Variants in NAP1L1 observed in about 807,000 individuals in gnomAD.
The protein encoded by NAP1L1 is nucleosome assembly protein 1 like 1, also known as nucleosome assembly protein 1-like 1.
Under a neutral mutation model 58.9 loss-of-function variants are expected in NAP1L1, and 9 were observed. The ratio of observed to expected loss-of-function variants is 0.15; its 90% CI spans 0.09 to 0.27. The LOEUF (loss-of-function observed/expected upper bound fraction) is 0.27. Ranked by LOEUF, NAP1L1 falls within the 10% of genes least tolerant of loss-of-function variation. NAP1L1 has a pLI of 1.00. For synonymous variants in NAP1L1, 130 were observed against 138.3 expected (o/e 0.94, Z 0.42); for missense variants, 302 against 458.8 (o/e 0.66, Z 3.12).
intron 11 of NAP1L1, 62 bp from the exon 12 acceptor site, chr12:76,050,715 C>T: frequency 6.5e-7 from 1 of 1,547,606 alleles, no homozygotes. Flanking sequence ...TAATTTGGCA[C>T]ATGTAAGACT....
rs1871075538 is a variant in NAP1L1 at position 76,037,410 on chromosome 12, T to C, written c.*11019A>G. On this transcript the variant is annotated 3_prime_UTR_variant, in exon 15 of 15. Transcript: ENST00000618691. Reference sequence around the variant, plus strand: ...GGATCCAAGCACCGTCCATCAGCTGTCTCCGTCCTTTCTGTTCTGCCAGCA... The same window carrying C: ...GGATCCAAGCACCGTCCATCAGCTGCCTCCGTCCTTTCTGTTCTGCCAGCA... 2 of 152,628 alleles carry C rather than the reference T, an allele frequency of 1.3e-5. No individual in the cohort carries two copies. Among genetic ancestry groups the C allele is most frequent in the Admixed American group, 1.3e-4 (2 of 15,290 alleles). The allele number at this position is 152,628 out of a possible 1,614,324, so 9.5% of individuals were successfully genotyped here.
intron 6 of NAP1L1, among the ~76,000 whole-genome samples, chr12:76,059,206 T>C (rs762645857): frequency 6.6e-6 from 1 of 152,188 alleles, no homozygotes; most frequent in African/African-American, 2.4e-5. Context: ...TTTAAAGATG[T>C]GGTATGCATA....
Position 76,040,700 on chromosome 12 carries a change from C to G in NAP1L1, c.*7729G>C, listed in dbSNP as rs1948543982. 6.6e-6 allele frequency: 1 copy of G among 152,152 alleles called. No individual in the cohort carries two copies. The highest frequency in any genetic ancestry group is 2.1e-4 in the South Asian group (1 of 4,830). 9.4% of individuals were successfully genotyped at this position (152,152 alleles called of 1,614,324 possible). A position where few individuals can be genotyped will look rare whatever the true frequency, so the allele number is the denominator to read the frequency against. ...TCAGCCTCCTGAGTAGCTTGGACTACAGGCACACACCACTACCACCTACAG... is the reference window on the plus strand; with the variant it reads ...TCAGCCTCCTGAGTAGCTTGGACTAGAGGCACACACCACTACCACCTACAG... On this transcript the variant is annotated 3_prime_UTR_variant, in exon 15 of 15. Transcript: ENST00000618691.
At chr12:76,060,477 A>T (rs1949357978) in intron 4 of NAP1L1, among the ~76,000 whole-genome samples, 198 bp from the exon 5 acceptor site, 1 of 152,270 alleles carries the variant, frequency 6.6e-6, no homozygotes, top group African/African-American at 2.4e-5. Context: ...TAGAAATGTA[A>T]CTGGGTAAAT....
intron 4 of NAP1L1, among the ~76,000 whole-genome samples, chr12:76,060,522 A>C (rs890750636): frequency 1.3e-5 from 2 of 152,210 alleles, no homozygotes; most frequent in African/African-American, 4.8e-5. Context: ...TGTCAACCCT[A>C]AATCTTTACC....
intron 6 of NAP1L1, chr12:76,057,908 A>C (rs1464779295): frequency 8.1e-7 from 1 of 1,231,860 alleles, no homozygotes; most frequent in East Asian, 2.4e-5. Flanking sequence ...TCCCAGAGCA[A>C]AGAAATATGT....
At position 76,036,808 on chromosome 12, in the gene NAP1L1, C is replaced by G. The variant is rs1481774738; in HGVS notation, c.*11621G>C. On this transcript the variant is annotated 3_prime_UTR_variant, in exon 15 of 15. Transcript: ENST00000618691. ...ATAACCAAGGCTGGGCGCGGTGGCTCACGCCTGTAATCCCAACACTTTGGG... is the reference window on the plus strand; with the variant it reads ...ATAACCAAGGCTGGGCGCGGTGGCTGACGCCTGTAATCCCAACACTTTGGG... 2 of 152,156 alleles carry G rather than the reference C, an allele frequency of 1.3e-5. No homozygotes were observed. The highest frequency in any genetic ancestry group is 1.5e-5 in the Non-Finnish European group (1 of 68,048). 9.4% of individuals were successfully genotyped at this position (152,156 alleles called of 1,614,324 possible).
chr12:76,040,123 G>A lies in NAP1L1; in HGVS notation c.*8306C>T, dbSNP rs112316392. 7.2e-5 allele frequency: 11 copies of A among 152,200 alleles called. No individual in the cohort carries two copies. Among genetic ancestry groups the A allele is most frequent in the African/African-American group, 2.6e-4 (11 of 41,520 alleles). The allele number at this position is 152,200 out of a possible 1,614,324, so 9.4% of individuals were successfully genotyped here. A position where few individuals can be genotyped will look rare whatever the true frequency, so the allele number is the denominator to read the frequency against. On this transcript the variant is annotated 3_prime_UTR_variant, in exon 15 of 15. Coordinates refer to ENST00000618691, the MANE Select transcript of NAP1L1 (RefSeq NM_004537.7). ...CAAGTAAAAGATTCCAAAATGATGGGGAAAAGCATATGTTTTTCTCCCTGA... is the reference window on the plus strand; with the variant it reads ...CAAGTAAAAGATTCCAAAATGATGGAGAAAAGCATATGTTTTTCTCCCTGA...
intron 13 of NAP1L1, 176 bp downstream of exon 13, chr12:76,049,576 AATTT>A: frequency 2.0e-6 from 3 of 1,528,350 alleles, no homozygotes; most frequent in Admixed American, 4.0e-5. Flanking sequence ...TGAGTTTTGC[AATTT>A]ATTTATTGAA....
Position 76,056,960 on chromosome 12 carries a change from G to A in NAP1L1, c.430-799C>T, listed in dbSNP as rs764588681. ...CAGGAGGTGGAGGTTGCAATAAGCC[G>A]AGACTGCACTCCAGCCTGGGCAACA... On this transcript the variant is annotated intron_variant, in intron 6 of 14. Transcript: ENST00000618691. The A allele has an allele frequency of 4.3e-4, 105 of 242,510 alleles. 1 individual carries two copies. The highest frequency in any genetic ancestry group is 1.7e-3 in the Middle Eastern group (1 of 598). 15.0% of individuals were successfully genotyped at this position (242,510 alleles called of 1,614,324 possible).
At chr12:76,073,502 T>C (rs199772716) in intron 2 of NAP1L1, among the ~76,000 whole-genome samples, 1 of 6,982 alleles carries the variant, frequency 1.4e-4, no homozygotes, top group African/African-American at 3.3e-4. Flanking sequence ...ACAATAAGTC[T>C]TTTATAAAGC....
At chr12:76,077,980 C>CA (rs58558132) in intron 1 of NAP1L1, among the ~76,000 whole-genome samples, 16,236 of 65,820 alleles carry the variant, frequency 0.25, 2,548 homozygotes, top group East Asian at 0.74. Context: ...GACCCTGTCT[C>CA]AAAAAAAAAA....
At chr12:76,063,121 A>T (rs924363220) in intron 4 of NAP1L1, among the ~76,000 whole-genome samples, 23 of 152,314 alleles carry the variant, frequency 1.5e-4, no homozygotes, top group Non-Finnish European at 2.6e-4. Flanking sequence ...TATATTACTA[A>T]AAGCAACTTT....
chr12:76,063,429 T>C (rs1309422051), intron 4 of NAP1L1, among the ~76,000 whole-genome samples: 1 of 151,958 alleles, frequency 6.6e-6, no homozygotes, highest in Non-Finnish European at 1.5e-5. Flanking sequence ...TAAAATAAAT[T>C]AAAAAATAGA....
intron 7 of NAP1L1, 39 bp from the exon 8 acceptor site, chr12:76,055,129 A>T: frequency 7.1e-7 from 1 of 1,410,488 alleles, no homozygotes; most frequent in Non-Finnish European, 9.8e-7. Context: ...ATAACATGGC[A>T]TTCGAGGACT....
chr12:76,059,031 T>C (rs956858587), intron 6 of NAP1L1, among the ~76,000 whole-genome samples: 5 of 152,252 alleles, frequency 3.3e-5, no homozygotes, highest in African/African-American at 1.2e-4. Context: ...GTAAGCCACT[T>C]CTTTGAAATT....
In NAP1L1 at chr12:76,040,851, C is replaced by T. The variant is rs1179968134; in HGVS notation, c.*7578G>A. The T allele has an allele frequency of 6.6e-6, 1 of 152,268 alleles. No individual in the cohort carries two copies. Among genetic ancestry groups the T allele is most frequent in the African/African-American group, 2.4e-5 (1 of 41,462 alleles). The allele number at this position is 152,268 out of a possible 1,614,324, so 9.4% of individuals were successfully genotyped here. ...GTGTTGGGATTACAGGCATGAGCCA[C>T]CACACCTGGCCATAATATATTTCCG... On this transcript the variant is annotated 3_prime_UTR_variant, in exon 15 of 15. Transcript: ENST00000618691.
Position 76,053,360 on chromosome 12 carries a change from CAAAG to C in NAP1L1, c.771-14_771-11del. ...CCAATCTATCTGGCACCTTGCAAAA[CAAAG>C]AAGAAAAATCTATTACAATTGACAA... On this transcript the variant is annotated splice_polypyrimidine_tract_variant and intron_variant, in intron 9 of 14. Coordinates refer to ENST00000618691, the MANE Select transcript of NAP1L1 (RefSeq NM_004537.7). The C allele has an allele frequency of 6.2e-7, 1 of 1,603,620 alleles. No individual in the cohort carries two copies. The highest frequency in any genetic ancestry group is 8.5e-7 in the Non-Finnish European group (1 of 1,176,964).
rs1204080281 is a variant in NAP1L1 at position 76,059,989 on chromosome 12, T to C, written c.349-111A>G. 10 of 1,170,710 alleles carry C rather than the reference T, an allele frequency of 8.5e-6. No individual in the cohort carries two copies. In the African/African-American group the frequency reaches 1.4e-4, roughly 16 times the overall value. The allele number at this position is 1,170,710 out of a possible 1,614,324, so 72.5% of individuals were successfully genotyped here. ...ATTTAACAAATGCATACCACAACTT[T>C]AACTGCTATTATTGATAGTTCCTCC... On this transcript the variant is annotated intron_variant, in intron 5 of 14. Coordinates refer to ENST00000618691, the MANE Select transcript of NAP1L1 (RefSeq NM_004537.7).
Sources: allele counts gnomAD v4.1 joint callset (sites outside exome capture counted in the v4.1 genomes callset), GRCh38; gene constraint gnomAD v4.1.1; transcripts MANE v1.5; gene names NCBI Gene and HGNC (gene_info 2026-07-23, HGNC 2026-07-21).